Variants in SEC14L6 observed in about 807,000 individuals in gnomAD.
SEC14L6 encodes the protein SEC14 like lipid binding 6.
SEC14L6 carries 40 observed loss-of-function variants against 54.1 expected under a neutral mutation model. The ratio of observed to expected loss-of-function variants is 0.74; its 90% CI spans 0.57 to 0.96. The LOEUF is 0.96. SEC14L6 is among the 40% of genes least tolerant of loss of function. The probability of loss-of-function intolerance (pLI) is 0.00; values close to 1 mark genes in which losing one functional copy is unlikely to be tolerated. For synonymous variants in SEC14L6, 171 were observed against 198.4 expected, an observed-to-expected ratio of 0.86 and a Z score of 1.16; for missense variants, 471 against 498.3, an observed-to-expected ratio of 0.95 and a Z score of 0.52.
intron 1 of SEC14L6, chr22:30,543,404 AC>A (rs1568976662): frequency 6.2e-7 from 1 of 1,601,198 alleles, no homozygotes; most frequent in South Asian, 1.1e-5. Flanking sequence ...ACGAAATTCT[AC>A]CCCCAGAGAC....
At position 30,522,948 on chromosome 22, in the gene SEC14L6, A is replaced by G. The variant is rs1167748256; in HGVS notation, c.*2049T>C. The G allele has an allele frequency of 6.6e-6, 1 of 152,254 alleles. No homozygotes were observed. The highest frequency in any genetic ancestry group is 1.5e-5 in the Non-Finnish European group (1 of 68,046). The allele number at this position is 152,254 out of a possible 1,614,324, so 9.4% of individuals were successfully genotyped here. A position where few individuals can be genotyped will look rare whatever the true frequency, so the allele number is the denominator to read the frequency against. On this transcript the variant is annotated 3_prime_UTR_variant, in exon 12 of 12. Transcript: ENST00000402034. ...GCAACTAAATATTAACACATGCAAC[A>G]AAGTGAATGAATCTCAGAGGCATTA...
At chr22:30,531,293 G>T (rs1393607596) in intron 6 of SEC14L6, among the ~76,000 whole-genome samples, 2 of 151,852 alleles carry the variant, frequency 1.3e-5, no homozygotes, top group African/African-American at 4.8e-5. Context: ...CTTAATCCCA[G>T]CTACTCCGAA....
Position 30,522,827 on chromosome 22 carries a change from C to G in SEC14L6, c.*2170G>C, listed in dbSNP as rs1172376110. 4.6e-5 allele frequency: 7 copies of G among 152,132 alleles called. No individual in the cohort carries two copies. The highest frequency in any genetic ancestry group is 8.8e-5 in the Non-Finnish European group (6 of 68,040). The allele number at this position is 152,132 out of a possible 1,614,324, so 9.4% of individuals were successfully genotyped here. A position where few individuals can be genotyped will look rare whatever the true frequency, so the allele number is the denominator to read the frequency against. On this transcript the variant is annotated 3_prime_UTR_variant, in exon 12 of 12. Coordinates refer to ENST00000402034, the MANE Select transcript of SEC14L6 (RefSeq NM_001193336.4). ...TTACAACAGCTTTATTCATAATCGC[C>G]CCCAAACTGGAAGCGACTCAACCAG...
chr22:30,539,233 C>T (rs962033375), intron 1 of SEC14L6, among the ~76,000 whole-genome samples: 4 of 152,072 alleles, frequency 2.6e-5, no homozygotes, highest in Admixed American at 1.3e-4. Context: ...AAAAATTAGC[C>T]GGGCGTGGTG....
chr22:30,533,891 T>C, intron 3 of SEC14L6, 105 bp downstream of exon 3: 3 of 1,097,738 alleles, frequency 2.7e-6, no homozygotes, highest in Non-Finnish European at 4.0e-6. Flanking sequence ...TGAATGGGTG[T>C]TCCATGAATG....
intron 1 of SEC14L6, among the ~76,000 whole-genome samples, chr22:30,542,300 C>A (rs969217564): frequency 1.3e-5 from 2 of 152,104 alleles, no homozygotes; most frequent in Non-Finnish European, 2.9e-5. Flanking sequence ...AGGCAGACAC[C>A]CCCCCACCCC....
chr22:30,546,690 A>G lies in SEC14L6; in HGVS notation c.-8T>C. 1.3e-6 allele frequency: 2 copies of G among 1,550,428 alleles called. No homozygotes were observed. Among genetic ancestry groups the G allele is most frequent in the Non-Finnish European group, 1.7e-6 (2 of 1,146,884 alleles). On this transcript the variant is annotated 5_prime_UTR_variant, in exon 1 of 12. The change abolishes an upstream ATG in the 5' untranslated region. Transcript: ENST00000402034. ...ACCCACTTGTCCACTCATGCTGCCCATGAATGGGTCCAGGCTCCACTCTGT... is the reference window on the plus strand; with the variant it reads ...ACCCACTTGTCCACTCATGCTGCCCGTGAATGGGTCCAGGCTCCACTCTGT...
chr22:30,526,772 A>T (rs773068914), intron 8 of SEC14L6, among the ~76,000 whole-genome samples: 3 of 152,130 alleles, frequency 2.0e-5, no homozygotes, highest in Non-Finnish European at 4.4e-5. Context: ...GATAATAGGC[A>T]AACTATGAAC....
intron 6 of SEC14L6, among the ~76,000 whole-genome samples, chr22:30,529,710 C>T (rs974224407): frequency 7.9e-5 from 12 of 152,140 alleles, no homozygotes; most frequent in Non-Finnish European, 1.5e-4. Context: ...TCCCAAGGTG[C>T]TGGGATTACA....
chr22:30,538,851 A>G lies in SEC14L6; in HGVS notation c.106T>C (p.Tyr36His), dbSNP rs560390689. 5 of 1,558,004 alleles carry G rather than the reference A, an allele frequency of 3.2e-6. No individual in the cohort carries two copies. The African/African-American group carries it at 4.1e-5, about 13-fold the overall frequency. ...VLSALPNPDDYFLLRWLQARS... is the reference protein window; with the variant it reads ...VLSALPNPDDHFLLRWLQARS... Reference sequence around the variant, plus strand: ...CCTTGGAGCCAGCGCAGGAGGAAGTAGTCATCAGGATTGGGCAGCGCAGAT... The same window carrying G: ...CCTTGGAGCCAGCGCAGGAGGAAGTGGTCATCAGGATTGGGCAGCGCAGAT... Residue 36 changes from tyrosine (Y) to histidine (H), a missense_variant, in exon 2 of 12, where the codon TAC becomes CAC. Coordinates refer to ENST00000402034, the MANE Select transcript of SEC14L6 (RefSeq NM_001193336.4).
In SEC14L6 at chr22:30,538,866, G is replaced by C. The variant is rs780783717; in HGVS notation, c.91C>G (p.Pro31Ala). Residue 31 changes from proline to alanine, a missense_variant, in exon 2 of 12, where the codon CCC becomes GCC. Transcript: ENST00000402034. ...ENIQDVLSAL[P>A]NPDDYFLLRW... ...AGGAGGAAGTAGTCATCAGGATTGG[G>C]CAGCGCAGATAGCACATCTTGGATG... 1.3e-6 allele frequency: 2 copies of C among 1,557,282 alleles called. No individual in the cohort carries two copies. Among genetic ancestry groups the C allele is most frequent in the South Asian group, 2.4e-5 (2 of 84,376 alleles).
chr22:30,526,655 G>A (rs7290074), intron 8 of SEC14L6, among the ~76,000 whole-genome samples: 2,663 of 151,918 alleles, frequency 0.018, 50 homozygotes, highest in Middle Eastern at 0.048. Flanking sequence ...GCTTGAGCCC[G>A]GGAGGCAGAG....
rs375073961 is a variant in SEC14L6, at chr22:30,528,422, C to CTTTTTTTTTTTTTTTTTTTT, written c.664+664_664+665insAAAAAAAAAAAAAAAAAAAA. On this transcript the variant is annotated intron_variant, in intron 8 of 11. Coordinates refer to ENST00000402034, the MANE Select transcript of SEC14L6 (RefSeq NM_001193336.4). Reference sequence around the variant, plus strand: ...AGGCGTGAACCACCGCGCTCGGCCTCTTTTTTTTTTTTTTTTTTTGAGATA... The same window carrying CTTTTTTTTTTTTTTTTTTTT: ...AGGCGTGAACCACCGCGCTCGGCCTCTTTTTTTTTTTTTTTTTTTTTTTTTTTTTTTTTTTTTTTGAGATA... 7.0e-4 allele frequency among the ~76,000 whole-genome samples: 74 copies of CTTTTTTTTTTTTTTTTTTTT among 105,506 alleles called. 1 individual carries two copies. The highest frequency in any genetic ancestry group is 9.5e-4 in the Non-Finnish European group (51 of 53,744). 69.2% of individuals were successfully genotyped at this position (105,506 alleles called of 152,430 possible). A position where few individuals can be genotyped will look rare whatever the true frequency, so the allele number is the denominator to read the frequency against.
intron 2 of SEC14L6, among the ~76,000 whole-genome samples, chr22:30,535,059 T>A (rs1937102436): frequency 6.6e-6 from 1 of 150,746 alleles, no homozygotes; most frequent in Non-Finnish European, 1.5e-5. Flanking sequence ...AAAAGAAAAA[T>A]TATATATAAG....
At position 30,525,019 on chromosome 22, in the gene SEC14L6, A is replaced by G. The variant is rs2146232281; in HGVS notation, c.1172T>C (p.Met391Thr). Residue 391 changes from methionine to threonine, a missense_variant, in exon 12 of 12, where the codon ATG becomes ACG. Met to Thr is a moderately conservative substitution (Grantham distance 81). Transcript: ENST00000402034. ...VEVLLPDQTFMEKMEKF is the reference protein window; with the variant it reads ...VEVLLPDQTFTEKMEKF Reference sequence around the variant, plus strand: ...CACCTAGAATTTCTCCATCTTCTCCATGAAGGTTTGGTCTGGGAGCAGTAC... The same window carrying G: ...CACCTAGAATTTCTCCATCTTCTCCGTGAAGGTTTGGTCTGGGAGCAGTAC... 4 of 1,540,400 alleles carry G rather than the reference A, an allele frequency of 2.6e-6. No individual in the cohort carries two copies. Among genetic ancestry groups the G allele is most frequent in the Admixed American group, 2.0e-5 (1 of 50,986 alleles).
chr22:30,524,795 G>T lies in SEC14L6; in HGVS notation c.*202C>A. The T allele has an allele frequency of 1.8e-6, 1 of 541,890 alleles. No homozygotes were observed. Among genetic ancestry groups the T allele is most frequent in the Non-Finnish European group, 3.3e-6 (1 of 299,826 alleles). 33.6% of individuals were successfully genotyped at this position (541,890 alleles called of 1,614,324 possible). On this transcript the variant is annotated 3_prime_UTR_variant, in exon 12 of 12. Coordinates refer to ENST00000402034, the MANE Select transcript of SEC14L6 (RefSeq NM_001193336.4). ...ATAGTGGGGATGGAGTGTCTGTGTT[G>T]CTTTGCTGTGACCATCGGGCCACCA...
intron 2 of SEC14L6, among the ~76,000 whole-genome samples, chr22:30,538,427 C>T (rs2085638506): frequency 6.6e-6 from 1 of 152,184 alleles, no homozygotes; most frequent in Non-Finnish European, 1.5e-5. Flanking sequence ...CACTTCCTCC[C>T]TGCTCACTGG....
At chr22:30,545,520 G>A (rs1319860923) in intron 1 of SEC14L6, among the ~76,000 whole-genome samples, 4 of 151,782 alleles carry the variant, frequency 2.6e-5, no homozygotes, top group South Asian at 2.1e-4. Flanking sequence ...TCAGCCTCCC[G>A]AGTAGCTGGG....
At position 30,532,843 on chromosome 22, in the gene SEC14L6, C is replaced by T. The variant is rs747632610; in HGVS notation, c.188G>A (p.Arg63Gln). ...GATGTTGGCCAGGTCTTGTTGCTTC[C>T]GGAACTCCATATGCTGCAGAGACAC... ...EDMLRKHMEF[R>Q]KQQDLANILA... Residue 63 changes from arginine (R) to glutamine (Q), a missense_variant, in exon 4 of 12, where the codon CGG (arginine) becomes CAG (glutamine). Coordinates refer to ENST00000402034, the MANE Select transcript of SEC14L6 (RefSeq NM_001193336.4). 23 of 1,613,524 alleles carry T rather than the reference C, an allele frequency of 1.4e-5. No individual in the cohort carries two copies. In the South Asian group the frequency reaches 1.9e-4, roughly 13 times the overall value.
Sources: allele counts gnomAD v4.1 joint callset (sites outside exome capture counted in the v4.1 genomes callset), GRCh38; gene constraint gnomAD v4.1.1; transcripts MANE v1.5; gene names NCBI Gene and HGNC (gene_info 2026-07-23, HGNC 2026-07-21).